MAGI3: variants seen among roughly 807,000 people sequenced by gnomAD.
MAGI3 encodes the protein membrane associated guanylate kinase, WW and PDZ domain containing 3.
Under a neutral mutation model 121.8 loss-of-function variants are expected in MAGI3, and 43 were observed. That is an observed-to-expected ratio of 0.35 (90% CI 0.28 to 0.46). The LOEUF (loss-of-function observed/expected upper bound fraction) is 0.46, where lower values mean the gene tolerates loss of function less well. MAGI3 is among the 20% of genes least tolerant of loss of function. The pLI is 1.00. For missense variants in MAGI3, 1,547 were observed against 1,797.3 expected (o/e 0.86, Z 2.52); for synonymous variants, 553 against 639.3 (o/e 0.86, Z 2.04).
At chr1:113,509,631 CACCAGA>C (rs1657516512) in intron 1 of MAGI3, among the ~76,000 whole-genome samples, 1 of 119,970 alleles carries the variant, frequency 8.3e-6, no homozygotes, top group Admixed American at 9.6e-5. Context: ...TACTTTCAGT[CACCAGA>C]ATATCTTCTC....
chr1:113,574,398 C>G (rs933774444), intron 2 of MAGI3, among the ~76,000 whole-genome samples: 1 of 152,124 alleles, frequency 6.6e-6, no homozygotes, highest in African/African-American at 2.4e-5. Context: ...GACAAAATCC[C>G]TCAGCATTTG....
intron 1 of MAGI3, among the ~76,000 whole-genome samples, chr1:113,493,244 A>C (rs1004869302): frequency 2.6e-5 from 4 of 152,226 alleles, no homozygotes; most frequent in African/African-American, 9.6e-5. Flanking sequence ...CCATACACCT[A>C]CAACTATCTG....
At chr1:113,611,944 T>G (rs1051111471) in intron 6 of MAGI3, among the ~76,000 whole-genome samples, 2 of 125,156 alleles carry the variant, frequency 1.6e-5, no homozygotes, top group Non-Finnish European at 3.7e-5. Context: ...AACTTATTTA[T>G]TTATTTATTT....
chr1:113,525,315 T>C (rs1168201396), intron 1 of MAGI3, among the ~76,000 whole-genome samples: 4 of 152,174 alleles, frequency 2.6e-5, no homozygotes, highest in Non-Finnish European at 5.9e-5. Context: ...TCACATTTGC[T>C]TTAGTTGTCC....
chr1:113,665,470 C>T (rs1653994135), intron 16 of MAGI3, among the ~76,000 whole-genome samples: 2 of 151,898 alleles, frequency 1.3e-5, no homozygotes, highest in African/African-American at 4.8e-5. Flanking sequence ...TCAAAATTGA[C>T]TACATATTCA....
intron 1 of MAGI3, among the ~76,000 whole-genome samples, chr1:113,481,158 T>G (rs1462693540): frequency 1.3e-5 from 2 of 152,216 alleles, no homozygotes; most frequent in Admixed American, 6.5e-5. Flanking sequence ...TTTCCTAGTT[T>G]TCTTCAAAAA....
intron 1 of MAGI3, among the ~76,000 whole-genome samples, chr1:113,503,547 A>G (rs1343271700): frequency 6.6e-6 from 1 of 152,084 alleles, no homozygotes; most frequent in Non-Finnish European, 1.5e-5. Flanking sequence ...ATATAGTCAC[A>G]TATATGCACA....
rs76323537 is a variant in MAGI3 at position 113,433,946 on chromosome 1, A to C, written c.316+42597A>C. ...TATGTATTTTCTTATTTTTATTCTT[A>C]TCTCTTTCCTGGATGTGATTTTTTA... On this transcript the variant is annotated intron_variant, in intron 1 of 20. Coordinates refer to ENST00000307546, the MANE Select transcript of MAGI3 (RefSeq NM_001142782.2). Among the ~76,000 whole-genome samples the C allele has an allele frequency of 3.1e-3, 476 of 152,228 alleles. 1 individual carries two copies. The highest frequency in any genetic ancestry group is 0.011 in the African/African-American group (450 of 41,554).
intron 2 of MAGI3, among the ~76,000 whole-genome samples, chr1:113,579,735 T>A: frequency 6.6e-6 from 1 of 152,028 alleles, no homozygotes; most frequent in East Asian, 1.9e-4. Flanking sequence ...ACTTATGAGG[T>A]AGATTTGGTG....
chr1:113,495,068 T>G (rs1475214185), intron 1 of MAGI3, among the ~76,000 whole-genome samples: 4 of 152,198 alleles, frequency 2.6e-5, no homozygotes, highest in African/African-American at 9.6e-5. Flanking sequence ...GAATTAACTC[T>G]TTCAAAGCAC....
chr1:113,678,718 G>A (rs1007078556), intron 19 of MAGI3, among the ~76,000 whole-genome samples: 12 of 152,204 alleles, frequency 7.9e-5, no homozygotes, highest in Admixed American at 2.6e-4. Context: ...AGAATCCCAC[G>A]AAATAGGTAC....
chr1:113,587,681 AT>A (rs538394906), intron 4 of MAGI3, among the ~76,000 whole-genome samples: 432 of 152,152 alleles, frequency 2.8e-3, no homozygotes, highest in African/African-American at 9.9e-3. Flanking sequence ...CGTAATAATT[AT>A]TTTTTTTCTA....
intron 1 of MAGI3, among the ~76,000 whole-genome samples, chr1:113,493,363 T>G (rs994723472): frequency 1.2e-4 from 18 of 152,138 alleles, no homozygotes; most frequent in African/African-American, 4.1e-4. Context: ...CTGGATGCCT[T>G]CCTTACACCA....
At chr1:113,581,669 C>G (rs192242197) in intron 3 of MAGI3, among the ~76,000 whole-genome samples, 9 of 152,164 alleles carry the variant, frequency 5.9e-5, no homozygotes, top group Non-Finnish European at 1.3e-4. Flanking sequence ...TCCACCCTGC[C>G]CATTGCTACC....
chr1:113,522,487 A>G (rs572474917), intron 1 of MAGI3, among the ~76,000 whole-genome samples: 88 of 152,308 alleles, frequency 5.8e-4, no homozygotes, highest in African/African-American at 2.0e-3. Context: ...ACCACAATTT[A>G]TACAACCAGC....
chr1:113,472,515 C>T (rs1020275677), intron 1 of MAGI3, among the ~76,000 whole-genome samples: 3 of 151,976 alleles, frequency 2.0e-5, no homozygotes, highest in Admixed American at 6.6e-5. Flanking sequence ...TAAGTACTTA[C>T]CATTGCTGTT....
intron 15 of MAGI3, among the ~76,000 whole-genome samples, chr1:113,655,561 C>A (rs1270877826): frequency 6.6e-6 from 1 of 151,422 alleles, no homozygotes; most frequent in Non-Finnish European, 1.5e-5. Context: ...ATTTAAAAAT[C>A]TTTAAGTAGT....
At chr1:113,467,801 C>G (rs1655362128) in intron 1 of MAGI3, among the ~76,000 whole-genome samples, 1 of 152,158 alleles carries the variant, frequency 6.6e-6, no homozygotes, top group Non-Finnish European at 1.5e-5. Context: ...TCCCAACATG[C>G]TGAGATTGCA....
At chr1:113,541,658 A>G (rs1470383416) in intron 1 of MAGI3, among the ~76,000 whole-genome samples, 1 of 152,234 alleles carries the variant, frequency 6.6e-6, no homozygotes, top group Non-Finnish European at 1.5e-5. Context: ...GACAGACTAG[A>G]AATAATGAGA....
Sources: gnomAD v4.1 joint callset for allele counts (sites outside exome capture counted in the v4.1 genomes callset) on GRCh38, gnomAD v4.1.1 for gene constraint, MANE v1.5 for transcripts, NCBI Gene and HGNC (gene_info 2026-07-23, HGNC 2026-07-21) for gene names.